The following CHKA variants were observed in gnomAD, a reference collection of about 807,000 sequenced individuals.
CHKA encodes CHETK-alpha.
Under a neutral mutation model 60.1 loss-of-function variants are expected in CHKA, and 34 were observed. That is an observed-to-expected ratio of 0.57 (90% CI 0.43 to 0.75). The LOEUF is 0.75. Among genes scored for constraint, CHKA ranks in the 30% least tolerant of loss-of-function variants. The pLI, the probability that CHKA is intolerant of heterozygous loss-of-function variation, is 0.00. For missense variants in CHKA, 563 were observed against 561.3 expected (o/e 1.00, Z -0.03); for synonymous variants, 217 against 223.1 (o/e 0.97, Z 0.24).
intron 3 of CHKA, among the ~76,000 whole-genome samples, chr11:68,076,079 A>T (rs546619378): frequency 6.6e-6 from 1 of 152,342 alleles, no homozygotes; most frequent in East Asian, 1.9e-4. Flanking sequence ...TAAAGCAAAA[A>T]GTATTTTGGT....
intron 2 of CHKA, among the ~76,000 whole-genome samples, chr11:68,084,389 T>C (rs1300578314): frequency 1.6e-5 from 2 of 124,960 alleles, no homozygotes; most frequent in Non-Finnish European, 3.3e-5. Flanking sequence ...TGTATATATA[T>C]ACACACATAT....
chr11:68,082,316 A>C (rs956087937), intron 2 of CHKA, among the ~76,000 whole-genome samples: 1 of 152,196 alleles, frequency 6.6e-6, no homozygotes, highest in Non-Finnish European at 1.5e-5. Flanking sequence ...GGGGAAAAGT[A>C]AAGTCAGAAA....
intron 1 of CHKA, among the ~76,000 whole-genome samples, chr11:68,113,080 T>TA (rs1858230818): frequency 5.5e-4 from 1 of 1,824 alleles, no homozygotes; most frequent in Non-Finnish European, 1.1e-3. Context: ...AGACTCCGTC[T>TA]CAAAAAAAAA....
intron 11 of CHKA, among the ~76,000 whole-genome samples, chr11:68,060,611 G>T (rs948109520): frequency 1.3e-5 from 2 of 152,176 alleles, no homozygotes; most frequent in African/African-American, 4.8e-5. Flanking sequence ...GCAACCGGCC[G>T]AGATCACCAA....
intron 1 of CHKA, among the ~76,000 whole-genome samples, chr11:68,107,410 TATA>T (rs1857953621): frequency 2.6e-5 from 4 of 152,104 alleles, no homozygotes; most frequent in Admixed American, 2.6e-4. Context: ...ATTCCCAACT[TATA>T]ATCTTTTCCT....
chr11:68,080,257 T>C (rs572484219), intron 3 of CHKA, among the ~76,000 whole-genome samples: 14 of 152,320 alleles, frequency 9.2e-5, no homozygotes, highest in Non-Finnish European at 1.6e-4. Flanking sequence ...GCAAGACACA[T>C]GTAAAACAAG....
intron 2 of CHKA, among the ~76,000 whole-genome samples, chr11:68,096,087 G>C (rs981840659): frequency 1.3e-5 from 2 of 151,744 alleles, no homozygotes; most frequent in Non-Finnish European, 2.9e-5. Context: ...AACCTGGCCG[G>C]GTGCGGTGGC....
chr11:68,099,593 G>A (rs1031324913), intron 1 of CHKA, among the ~76,000 whole-genome samples: 6 of 152,198 alleles, frequency 3.9e-5, no homozygotes, highest in Admixed American at 6.5e-5. Context: ...GGCCGACAGC[G>A]TGTAGATCAA....
In CHKA at chr11:68,121,003, G is replaced by T. The variant is rs751522975; in HGVS notation, c.175C>A (p.Pro59Thr). ...GGQQPPLALP[P>T]PPPLPLPLPL... ...AGCGGCAGCGGCAGCGGCGGCGGAG[G>T]GGGCAGCGCGAGCGGCGGCTGTTGG... Residue 59 changes from proline (P) to threonine (T), a missense_variant, in exon 1 of 12, where the codon CCT becomes ACT. Transcript: ENST00000265689. The T allele has an allele frequency of 2.7e-6, 3 of 1,117,716 alleles. No homozygotes were observed. The highest frequency in any genetic ancestry group is 3.3e-6 in the Non-Finnish European group (3 of 915,416). 69.2% of individuals were successfully genotyped at this position (1,117,716 alleles called of 1,614,324 possible).
intron 1 of CHKA, among the ~76,000 whole-genome samples, chr11:68,098,185 C>T (rs1331869292): frequency 6.7e-6 from 1 of 148,408 alleles, no homozygotes; most frequent in South Asian, 2.1e-4. Flanking sequence ...GCAGAAGAAT[C>T]GCTTGAACCC....
chr11:68,070,724 T>C lies in CHKA; in HGVS notation c.764A>G (p.Lys255Arg). The change falls in exon 5 of 12, where the codon AAG becomes AGG. Residue 255 changes from lysine (K) to arginine (R), a missense_variant and splice_region_variant. Physicochemically the swap from Lys to Arg is conservative, Grantham distance 26. Transcript: ENST00000265689. Reference protein sequence around the residue: ...EPKWLFGTMEKYLKEVLRIKF... With the variant: ...EPKWLFGTMERYLKEVLRIKF... ...AGGACCAAGTGATTTGACCACTTAC[T>C]TTTCCATTGTGCCAAAAAGCCATTT... 3 of 1,609,284 alleles carry C rather than the reference T, an allele frequency of 1.9e-6. No individual in the cohort carries two copies. The highest frequency in any genetic ancestry group is 2.6e-6 in the Non-Finnish European group (3 of 1,175,866).
In CHKA at chr11:68,066,511, T is replaced by C. The variant is rs1385690752; in HGVS notation, c.934A>G (p.Ile312Val). The C allele has an allele frequency of 1.2e-6, 2 of 1,613,590 alleles. No individual in the cohort carries two copies. The highest frequency in any genetic ancestry group is 2.2e-5 in the East Asian group (1 of 44,904). The part of the protein sequence containing the change: ...FCHNDCQEGN[I>V]LLLEGRENSE... ...TTCTCTCGGCCTTCCAGCAACAAGATATTACCTGCAAAAGGTTTGGATAAC... is the reference window on the plus strand; with the variant it reads ...TTCTCTCGGCCTTCCAGCAACAAGACATTACCTGCAAAAGGTTTGGATAAC... The change falls in exon 8 of 12, where the codon ATC becomes GTC. Residue 312 changes from isoleucine (I) to valine (V), a missense_variant. Coordinates refer to ENST00000265689, the MANE Select transcript of CHKA (RefSeq NM_001277.3).
chr11:68,110,165 C>T (rs1858079428), intron 1 of CHKA, among the ~76,000 whole-genome samples: 1 of 152,124 alleles, frequency 6.6e-6, no homozygotes, highest in Non-Finnish European at 1.5e-5. Context: ...CTACAGCTAA[C>T]ATTATACTTG....
intron 2 of CHKA, among the ~76,000 whole-genome samples, chr11:68,084,350 A>G (rs1347455123): frequency 1.2e-3 from 158 of 127,416 alleles, no homozygotes; most frequent in African/African-American, 3.6e-3. Context: ...ATATATGTGT[A>G]TATATATATA....
chr11:68,063,743 A>C (rs1216147649), intron 10 of CHKA, among the ~76,000 whole-genome samples: 2 of 152,186 alleles, frequency 1.3e-5, no homozygotes, highest in Non-Finnish European at 2.9e-5. Flanking sequence ...TGCTGTCCTC[A>C]CAATAGTGAG....
intron 1 of CHKA, among the ~76,000 whole-genome samples, chr11:68,100,454 G>T (rs936411893): frequency 6.6e-6 from 1 of 152,034 alleles, no homozygotes; most frequent in African/African-American, 2.4e-5. Flanking sequence ...GCCGGGCATG[G>T]TGGCACGTGC....
At chr11:68,092,111 T>C (rs1857369175) in intron 2 of CHKA, among the ~76,000 whole-genome samples, 1 of 152,170 alleles carries the variant, frequency 6.6e-6, no homozygotes, top group Admixed American at 6.5e-5. Flanking sequence ...TACACATACA[T>C]GTATAGGATA....
At chr11:68,080,130 G>A (rs192731981) in intron 3 of CHKA, among the ~76,000 whole-genome samples, 1 of 152,298 alleles carries the variant, frequency 6.6e-6, no homozygotes, top group Admixed American at 6.5e-5. Flanking sequence ...AAAGGCCTCT[G>A]CACAAAGGGC....
At chr11:68,086,713 C>T (rs1271210868) in intron 2 of CHKA, among the ~76,000 whole-genome samples, 4 of 152,232 alleles carry the variant, frequency 2.6e-5, no homozygotes, top group Admixed American at 2.0e-4. Flanking sequence ...TTTGGCTGGG[C>T]GTGGTGGCTC....
Sources: gnomAD v4.1 joint callset for allele counts (sites outside exome capture counted in the v4.1 genomes callset) on GRCh38, gnomAD v4.1.1 for gene constraint, MANE v1.5 for transcripts, NCBI Gene and HGNC (gene_info 2026-07-23, HGNC 2026-07-21) for gene names.